The following KAZN variants were observed in gnomAD, a reference collection of about 807,000 sequenced individuals.
The protein encoded by KAZN is kazrin, periplakin interacting protein, also known as kazrin.
A neutral mutation model predicts 87.4 loss-of-function variants in KAZN; 40 were observed. That is an observed-to-expected ratio of 0.46 (90% CI 0.36 to 0.60). The LOEUF (loss-of-function observed/expected upper bound fraction) is 0.60. Among genes scored for constraint, KAZN ranks in the 20% least tolerant of loss-of-function variants. KAZN has a pLI of 0.00. For missense variants in KAZN, 898 were observed against 1,073.9 expected (o/e 0.84, Z 2.29); for synonymous variants, 466 against 458.3 (o/e 1.02, Z -0.22).
chr1:14,470,485 C>T (rs940763060), intron 2 of KAZN, among the ~76,000 whole-genome samples: 1 of 152,138 alleles, frequency 6.6e-6, no homozygotes, highest in Non-Finnish European at 1.5e-5. Flanking sequence ...CTGGTCATGT[C>T]AATTACAGTG....
At chr1:14,971,170 C>T (rs1185845841) in intron 2 of KAZN, among the ~76,000 whole-genome samples, 2 of 152,168 alleles carry the variant, frequency 1.3e-5, no homozygotes, top group South Asian at 2.1e-4. Flanking sequence ...GAGGCCAAGG[C>T]GGGCGAATCA....
At chr1:14,911,147 A>G (rs2101386929) in intron 1 of KAZN, among the ~76,000 whole-genome samples, 1 of 152,310 alleles carries the variant, frequency 6.6e-6, no homozygotes, top group African/African-American at 2.4e-5. Context: ...ATGCCAAGAA[A>G]TGAAAGGTTC....
chr1:14,290,171 C>T (rs1025742678), intron 2 of KAZN, among the ~76,000 whole-genome samples: 12 of 152,244 alleles, frequency 7.9e-5, no homozygotes, highest in African/African-American at 1.9e-4. Context: ...TTGCTCTTCT[C>T]GAGGAGTATC....
At chr1:15,076,869 A>G (rs938698878) in intron 8 of KAZN, among the ~76,000 whole-genome samples, 4 of 152,248 alleles carry the variant, frequency 2.6e-5, no homozygotes, top group Admixed American at 2.6e-4. Context: ...TAGGGTGACA[A>G]TGACAAGGAC....
chr1:14,081,370 T>G (rs1051859186), intron 1 of KAZN, among the ~76,000 whole-genome samples: 5 of 152,096 alleles, frequency 3.3e-5, no homozygotes, highest in African/African-American at 1.2e-4. Flanking sequence ...GACTTAAGGA[T>G]GAGCTTGTTG....
At chr1:15,043,731 C>T (rs995987005) in intron 3 of KAZN, among the ~76,000 whole-genome samples, 2 of 150,680 alleles carry the variant, frequency 1.3e-5, no homozygotes, top group Non-Finnish European at 2.9e-5. Context: ...GCAAGCTCCA[C>T]CTCCCAGGTT....
intron 3 of KAZN, 88 bp from the exon 4 acceptor site, chr1:15,043,901 C>T: frequency 7.5e-7 from 1 of 1,333,182 alleles, no homozygotes; most frequent in Admixed American, 2.6e-5. Context: ...CTTTTTCCAT[C>T]TAGGAGTTAG....
chr1:14,105,143 CTGGGAGGG>C (rs1644340249), intron 1 of KAZN, among the ~76,000 whole-genome samples: 2 of 152,330 alleles, frequency 1.3e-5, no homozygotes, highest in African/African-American at 4.8e-5. Context: ...ATTCTGCTAT[CTGGGAGGG>C]TCAGCCCAGC....
chr1:15,018,392 G>T (rs1227206520), intron 2 of KAZN, among the ~76,000 whole-genome samples: 3 of 151,926 alleles, frequency 2.0e-5, no homozygotes, highest in African/African-American at 7.3e-5. Context: ...GTAGCTCCAG[G>T]GCCCTGGCTG....
At chr1:14,378,258 T>G (rs1661074185) in intron 2 of KAZN, among the ~76,000 whole-genome samples, 1 of 152,214 alleles carries the variant, frequency 6.6e-6, no homozygotes, top group Non-Finnish European at 1.5e-5. Context: ...TTATTAATTC[T>G]TACTATCAAA....
intron 1 of KAZN, among the ~76,000 whole-genome samples, chr1:14,006,598 A>G (rs897393451): frequency 1.3e-5 from 2 of 152,148 alleles, no homozygotes; most frequent in African/African-American, 4.8e-5. Flanking sequence ...TGAAGAGACT[A>G]TCCTTTCTCC....
At chr1:14,609,509 T>A (rs1441822535) in intron 1 of KAZN, among the ~76,000 whole-genome samples, 1 of 152,202 alleles carries the variant, frequency 6.6e-6, no homozygotes, top group Admixed American at 6.5e-5. Flanking sequence ...CTACCATGAG[T>A]CAACTCAAAA....
chr1:14,018,260 G>C (rs935142124), intron 1 of KAZN, among the ~76,000 whole-genome samples: 2 of 152,102 alleles, frequency 1.3e-5, no homozygotes, highest in African/African-American at 4.8e-5. Flanking sequence ...TGTGAAGTTT[G>C]TTTCAACAGC....
At chr1:14,839,655 T>A (rs536430595) in intron 1 of KAZN, among the ~76,000 whole-genome samples, 1 of 152,182 alleles carries the variant, frequency 6.6e-6, no homozygotes, top group Admixed American at 6.5e-5. Flanking sequence ...TCTACCTGTT[T>A]GTGTGTTTGT....
intron 2 of KAZN, among the ~76,000 whole-genome samples, chr1:14,254,388 C>T (rs943797222): frequency 1.3e-5 from 2 of 152,206 alleles, no homozygotes; most frequent in African/African-American, 2.4e-5. Flanking sequence ...TGCATCTCCA[C>T]GTCGTTTTGC....
At chr1:14,600,198 A>T (rs769318659) in intron 1 of KAZN, among the ~76,000 whole-genome samples, 3 of 152,228 alleles carry the variant, frequency 2.0e-5, no homozygotes, top group Non-Finnish European at 4.4e-5. Context: ...AATCCAGAAC[A>T]GGACAGAAAC....
chr1:15,094,371 G>A lies in KAZN; in HGVS notation c.1414G>A (p.Val472Met), dbSNP rs779265041. Residue 472 changes from valine (V) to methionine (M), a missense_variant, in exon 9 of 15, where the codon GTG becomes ATG. Physicochemically the swap from Val to Met is conservative, Grantham distance 21. Around this residue, in one of 3 missense-constraint regions of KAZN, gnomAD observed 521 missense variants for 689.4 expected, o/e 0.76. Coordinates refer to ENST00000376030, the MANE Select transcript of KAZN (RefSeq NM_201628.3). This position sits in a 1 kb window ranked among gnomAD's most constrained non-coding sequence, Gnocchi z 4.5. ...PMYVKACTEN[V>M]KSGKVLLSLS... ...GTACGTCAAGGCCTGCACGGAGAAC[G>A]TGAAGAGCGGGAAGGTAGGCAACTC... 4.3e-6 allele frequency: 7 copies of A among 1,612,742 alleles called. No homozygotes were observed. In the Admixed American group the frequency reaches 5.0e-5, roughly 12 times the overall value.
chr1:14,510,310 G>A (rs963052485), intron 2 of KAZN, among the ~76,000 whole-genome samples: 2 of 151,816 alleles, frequency 1.3e-5, no homozygotes, highest in Non-Finnish European at 2.9e-5. Context: ...CCCAGGGGGT[G>A]GAGGTTGCAG....
chr1:14,494,033 C>G (rs1197348715), intron 2 of KAZN, among the ~76,000 whole-genome samples: 2 of 152,168 alleles, frequency 1.3e-5, no homozygotes, highest in African/African-American at 4.8e-5. Flanking sequence ...GTCTTCTAAA[C>G]TTTTCTTCTG....
Sources: allele counts gnomAD v4.1 joint callset (sites outside exome capture counted in the v4.1 genomes callset), GRCh38; gene constraint gnomAD v4.1.1; regional missense constraint gnomAD v4.1.1; non-coding constraint Gnocchi (gnomAD v3.1); transcripts MANE v1.5; gene names NCBI Gene and HGNC (gene_info 2026-07-23, HGNC 2026-07-21).